The following R3HCC1 variants were observed in gnomAD, a reference collection of about 807,000 sequenced individuals.
R3HCC1 encodes the protein R3H and coiled-coil domain-containing protein 1.
R3HCC1 carries 32 observed loss-of-function variants against 40.0 expected under a neutral mutation model. The observed-to-expected ratio is 0.80, with a 90% confidence interval of 0.60 to 1.07. The LOEUF (loss-of-function observed/expected upper bound fraction) is 1.07, where lower values mean the gene tolerates loss of function less well. Ranked by LOEUF, R3HCC1 falls within the 50% of genes least tolerant of loss-of-function variation. The pLI is 0.00. For synonymous variants in R3HCC1, 237 were observed against 232.8 expected (o/e 1.02, Z -0.17); for missense variants, 586 against 563.3 (o/e 1.04, Z -0.41).
At chr8:23,290,490 G>A (rs4469460) in intron 4 of R3HCC1, 21 bp downstream of exon 4, 858,178 of 1,533,296 alleles carry the variant, frequency 0.56, 242,904 homozygotes, top group East Asian at 0.78. Context: ...TCTTGAGCCC[G>A]AAAAGGGAGG....
rs1802863146 is a variant in R3HCC1, at chr8:23,291,387, G to GA, written c.880dup (p.Ile294AsnfsTer31). On this transcript the variant is annotated frameshift_variant, in exon 5 of 8. Coordinates refer to ENST00000265806, the MANE Select transcript of R3HCC1 (RefSeq NM_001136108.3). LOFTEE classifies it high-confidence loss of function. ...TCACAGACAACCTGACGAAGAAGGA[G>GA]ATTCAGATAGAGAAGATCCATTTGG... 6.4e-7 allele frequency: 1 copy of GA among 1,551,732 alleles called. No homozygotes were observed. The highest frequency in any genetic ancestry group is 1.4e-5 in the African/African-American group (1 of 73,058).
At position 23,290,439 on chromosome 8, in the gene R3HCC1, G is replaced by A. The variant is rs752922128; in HGVS notation, c.822G>A (p.Ser274=). The A allele has an allele frequency of 2.0e-5, 31 of 1,551,030 alleles. No homozygotes were observed. The South Asian group carries it at 3.0e-4, about 15-fold the overall frequency. ...AAGAGGATGGCCCCAGCAGCTGCTC[G>A]GAGGACGATTACAGTGAGCTGCTGC... The change falls in exon 4 of 8, where the codon TCG becomes TCA. Residue 274 remains serine, a synonymous_variant. Transcript: ENST00000265806.
chr8:23,289,134 A>G lies in R3HCC1; in HGVS notation c.229A>G (p.Ile77Val), dbSNP rs1802804877. 1 of 1,536,226 alleles carries G rather than the reference A, an allele frequency of 6.5e-7. No homozygotes were observed. Among genetic ancestry groups the G allele is most frequent in the Non-Finnish European group, 8.7e-7 (1 of 1,146,916 alleles). ...GGAGGGCTGGAAGAGGAGGACGGTC[A>G]TCTGTCACCAGGACATCAGGTGTGT... is the stretch of plus-strand genomic sequence containing the variant. The change falls in exon 3 of 8, where the codon ATC (isoleucine) becomes GTC (valine). Residue 77 changes from isoleucine (I) to valine (V), a missense_variant. Coordinates refer to ENST00000265806, the MANE Select transcript of R3HCC1 (RefSeq NM_001136108.3).
chr8:23,289,835 C>A lies in R3HCC1; in HGVS notation c.249-31C>A, dbSNP rs1034859226. The stretch of plus-strand genomic sequence containing the variant: ...TCATTTTCCTTTGGGCCCCTACACA[C>A]TCTGATTACCTCCTCCCATTCCTGC... On this transcript the variant is annotated intron_variant, in intron 3 of 7. Coordinates refer to ENST00000265806, the MANE Select transcript of R3HCC1 (RefSeq NM_001136108.3). The A allele has an allele frequency of 2.7e-6, 4 of 1,470,558 alleles. No homozygotes were observed. In the South Asian group the frequency reaches 5.5e-5, roughly 20 times the overall value. The allele number at this position is 1,470,558 out of a possible 1,614,324, so 91.1% of individuals were successfully genotyped here.
intron 4 of R3HCC1, 198 bp from the exon 5 acceptor site, chr8:23,291,163 T>A: frequency 1.8e-6 from 1 of 554,392 alleles, no homozygotes; most frequent in Admixed American, 3.1e-5. Flanking sequence ...TAGTGGGGAC[T>A]CCATACAAGT....
rs1348492966 is a variant in R3HCC1, at chr8:23,288,553, C to A, written c.30C>A (p.Phe10Leu). The stretch of plus-strand genomic sequence containing the variant: ...CCCTTCTCTGCTTGGATGGTGTCTT[C>A]CTCTCCTCAGCCGAGAATGACTTCG... Residue 10 changes from phenylalanine (F) to leucine (L), a missense_variant, in exon 2 of 8, where the codon TTC (phenylalanine) becomes TTA (leucine). Phe to Leu is a conservative substitution (Grantham distance 22). Coordinates refer to ENST00000265806, the MANE Select transcript of R3HCC1 (RefSeq NM_001136108.3). 1.3e-6 allele frequency: 2 copies of A among 1,535,880 alleles called. No individual in the cohort carries two copies. Among genetic ancestry groups the A allele is most frequent in the African/African-American group, 2.7e-5 (2 of 72,994 alleles).
Position 23,288,110 on chromosome 8 carries a change from T to G in R3HCC1, c.-66T>G. On this transcript the variant is annotated 5_prime_UTR_variant, in exon 1 of 8. Transcript: ENST00000265806. ...GTCTCTCTAGGGCGCTCGGGCGCGC[T>G]GGCCCCTGGGGACGCCGAGGGCGGC... is the stretch of plus-strand genomic sequence containing the variant. 3.9e-6 allele frequency: 5 copies of G among 1,268,428 alleles called. No homozygotes were observed. The highest frequency in any genetic ancestry group is 5.1e-6 in the Non-Finnish European group (5 of 979,096). The allele number at this position is 1,268,428 out of a possible 1,614,324, so 78.6% of individuals were successfully genotyped here.
At chr8:23,293,245 G>C in intron 5 of R3HCC1, 58 bp from the exon 6 acceptor site, 2 of 1,427,436 alleles carry the variant, frequency 1.4e-6, no homozygotes, top group Non-Finnish European at 1.9e-6. Context: ...TGCGGGATTC[G>C]AAGAGGAGTT....
At chr8:23,292,985 G>A (rs1197724159) in intron 5 of R3HCC1, among the ~76,000 whole-genome samples, 1 of 152,222 alleles carries the variant, frequency 6.6e-6, no homozygotes, top group Non-Finnish European at 1.5e-5. Context: ...CCTTGGCTGG[G>A]CTGAGACAGG....
chr8:23,294,226 C>T (rs1802938405), intron 6 of R3HCC1, among the ~76,000 whole-genome samples: 1 of 152,150 alleles, frequency 6.6e-6, no homozygotes, highest in Non-Finnish European at 1.5e-5. Context: ...TGAGCTGTGG[C>T]TGGGGTTGGC....
intron 6 of R3HCC1, among the ~76,000 whole-genome samples, chr8:23,293,645 G>A (rs1007674649): frequency 1.3e-4 from 20 of 152,194 alleles, no homozygotes; most frequent in African/African-American, 4.8e-4. Flanking sequence ...AAGGTCGTGA[G>A]CCAAGCCCAA....
At chr8:23,294,260 CTA>C (rs1391149574) in intron 6 of R3HCC1, among the ~76,000 whole-genome samples, 2 of 152,202 alleles carry the variant, frequency 1.3e-5, no homozygotes, top group African/African-American at 4.8e-5. Flanking sequence ...TCTCCACAGA[CTA>C]TGGTGAGAGC....
At chr8:23,294,517 C>G (rs1354310522) in intron 6 of R3HCC1, among the ~76,000 whole-genome samples, 5 of 152,190 alleles carry the variant, frequency 3.3e-5, no homozygotes, top group Non-Finnish European at 5.9e-5. Context: ...CACAGCCTCC[C>G]CAGTGCTCTC....
chr8:23,294,506 TCA>T (rs1487272948), intron 6 of R3HCC1, among the ~76,000 whole-genome samples: 1 of 152,180 alleles, frequency 6.6e-6, no homozygotes, highest in Non-Finnish European at 1.5e-5. Flanking sequence ...GATGTCAGAA[TCA>T]CAGCCTCCCC....
chr8:23,289,184 A>G, intron 3 of R3HCC1, 31 bp downstream of exon 3: 1 of 1,533,816 alleles, frequency 6.5e-7, no homozygotes, highest in Non-Finnish European at 8.7e-7. Flanking sequence ...AAGTGCCTGC[A>G]GCGGTGGTGT....
At chr8:23,294,154 G>A (rs1199185521) in intron 6 of R3HCC1, among the ~76,000 whole-genome samples, 10 of 152,150 alleles carry the variant, frequency 6.6e-5, no homozygotes, top group South Asian at 2.1e-4. Context: ...CCCCAGAGAG[G>A]GAGATTGTGG....
chr8:23,294,355 C>T (rs944573424), intron 6 of R3HCC1, among the ~76,000 whole-genome samples: 3 of 152,214 alleles, frequency 2.0e-5, no homozygotes, highest in Non-Finnish European at 2.9e-5. Flanking sequence ...CTCTGCCATA[C>T]TCTGTAAATA....
chr8:23,290,487 C>T lies in R3HCC1; in HGVS notation c.852+18C>T. The T allele has an allele frequency of 6.5e-7, 1 of 1,537,670 alleles. No individual in the cohort carries two copies. The highest frequency in any genetic ancestry group is 8.8e-7 in the Non-Finnish European group (1 of 1,140,200). On this transcript the variant is annotated intron_variant, in intron 4 of 7. Transcript: ENST00000265806. Reference sequence around the variant, plus strand: ...TGCAGGAGGTGATGAGGCTCTTGAGCCCGAAAAGGGAGGGCGGAGGTGAGG... The same window carrying T: ...TGCAGGAGGTGATGAGGCTCTTGAGTCCGAAAAGGGAGGGCGGAGGTGAGG...
At chr8:23,294,745 T>A (rs1273154099) in intron 6 of R3HCC1, 24 bp from the exon 7 acceptor site, 1 of 1,541,506 alleles carries the variant, frequency 6.5e-7, no homozygotes, top group Non-Finnish European at 8.8e-7. Context: ...AGGGAGTGGC[T>A]CCACGCCTGC....
Sources: gnomAD v4.1 joint callset for allele counts (sites outside exome capture counted in the v4.1 genomes callset) on GRCh38, gnomAD v4.1.1 for gene constraint, MANE v1.5 for transcripts, NCBI Gene and HGNC (gene_info 2026-07-23, HGNC 2026-07-21) for gene names.